CREB3L2: variants seen among roughly 807,000 people sequenced by gnomAD.
CREB3L2 encodes the protein cyclic AMP-responsive element-binding protein 3-like protein 2.
CREB3L2 carries 23 observed loss-of-function variants against 57.2 expected under a neutral mutation model. The observed-to-expected ratio is 0.40, with a 90% CI of 0.29 to 0.57. The LOEUF is 0.57. Ranked by LOEUF, CREB3L2 falls within the 20% of genes least tolerant of loss-of-function variation. CREB3L2 has a pLI of 0.42. For missense variants in CREB3L2, 628 were observed against 634.7 expected, an observed-to-expected ratio of 0.99 and a Z score of 0.11; for synonymous variants, 268 against 265.1, an observed-to-expected ratio of 1.01 and a Z score of -0.11.
chr7:137,908,640 CAGAA>C (rs1799943772), intron 4 of CREB3L2, among the ~76,000 whole-genome samples: 1 of 152,068 alleles, frequency 6.6e-6, no homozygotes. Flanking sequence ...CTTATACTGG[CAGAA>C]AGAAACACTG....
chr7:137,952,087 C>T (rs911943648), intron 1 of CREB3L2, among the ~76,000 whole-genome samples: 1 of 152,028 alleles, frequency 6.6e-6, no homozygotes, highest in African/African-American at 2.4e-5. Flanking sequence ...ATGTTATTTT[C>T]GTAATTTAAA....
Position 137,878,155 on chromosome 7 carries a change from A to G in CREB3L2, c.*2321T>C. On this transcript the variant is annotated 3_prime_UTR_variant, in exon 12 of 12. Coordinates refer to ENST00000330387, the MANE Select transcript of CREB3L2 (RefSeq NM_194071.4). Reference sequence around the variant, plus strand: ...AGAGTGACGTCAAGCAAGCGTAGTAAGGGAGAAAATAAAATCCTCAAAGCA... The same window carrying G: ...AGAGTGACGTCAAGCAAGCGTAGTAGGGGAGAAAATAAAATCCTCAAAGCA... The G allele has an allele frequency of 4.3e-6, 1 of 231,212 alleles. No homozygotes were observed. Among genetic ancestry groups the G allele is most frequent in the Non-Finnish European group, 8.6e-6 (1 of 116,846 alleles). 14.3% of individuals were successfully genotyped at this position (231,212 alleles called of 1,614,324 possible). A position where few individuals can be genotyped will look rare whatever the true frequency, so the allele number is the denominator to read the frequency against.
At chr7:137,964,633 T>C (rs1366889510) in intron 1 of CREB3L2, among the ~76,000 whole-genome samples, 1 of 152,240 alleles carries the variant, frequency 6.6e-6, no homozygotes, top group Non-Finnish European at 1.5e-5. Flanking sequence ...GTAATCAATA[T>C]TGAACAATCC....
intron 1 of CREB3L2, among the ~76,000 whole-genome samples, chr7:137,948,235 T>C (rs764150339): frequency 5.3e-5 from 8 of 152,244 alleles, no homozygotes; most frequent in Non-Finnish European, 1.0e-4. Flanking sequence ...TGGAGATGCA[T>C]AGATGCTGTC....
intron 1 of CREB3L2, among the ~76,000 whole-genome samples, chr7:137,997,694 C>T (rs759806403): frequency 9.9e-5 from 15 of 151,928 alleles, no homozygotes; most frequent in Non-Finnish European, 2.1e-4. Context: ...AGCAACTGCA[C>T]TCTAGTCTGG....
At chr7:137,941,794 A>C (rs904706926) in intron 1 of CREB3L2, among the ~76,000 whole-genome samples, 1 of 152,234 alleles carries the variant, frequency 6.6e-6, no homozygotes, top group East Asian at 1.9e-4. Flanking sequence ...CTTTGGCATA[A>C]TAAGAGCTTA....
At chr7:137,971,464 A>AC (rs1484957144) in intron 1 of CREB3L2, among the ~76,000 whole-genome samples, 33 of 151,578 alleles carry the variant, frequency 2.2e-4, no homozygotes, top group Admixed American at 1.5e-3. Context: ...AAAAAAAAAA[A>AC]ATTTTGGATG....
intron 1 of CREB3L2, among the ~76,000 whole-genome samples, chr7:137,986,379 T>G (rs1026946666): frequency 2.6e-5 from 4 of 152,200 alleles, no homozygotes; most frequent in African/African-American, 9.7e-5. Flanking sequence ...CCCAGCTCCA[T>G]GGGACTGGGA....
intron 1 of CREB3L2, among the ~76,000 whole-genome samples, chr7:137,933,347 C>T (rs912497281): frequency 1.3e-5 from 2 of 152,206 alleles, no homozygotes; most frequent in Admixed American, 6.5e-5. Context: ...CATTCTATCC[C>T]GAGGCAACGC....
intron 1 of CREB3L2, among the ~76,000 whole-genome samples, chr7:137,971,013 C>T (rs999946734): frequency 5.9e-5 from 9 of 152,164 alleles, no homozygotes; most frequent in Non-Finnish European, 8.8e-5. Context: ...GAATGGCATG[C>T]TTCCAACATC....
At chr7:137,882,354 G>A in intron 11 of CREB3L2, 58 bp downstream of exon 11, 7 of 1,341,930 alleles carry the variant, frequency 5.2e-6, no homozygotes, top group East Asian at 2.3e-5. Flanking sequence ...TCAGGTTGCT[G>A]ACTCATAACC....
intron 1 of CREB3L2, among the ~76,000 whole-genome samples, chr7:137,956,379 C>G (rs1801210824): frequency 6.6e-6 from 1 of 152,234 alleles, no homozygotes. Flanking sequence ...AACTACCACT[C>G]TTGCCAGAAG....
chr7:137,981,818 C>A (rs1335646862), intron 1 of CREB3L2, among the ~76,000 whole-genome samples: 1 of 152,166 alleles, frequency 6.6e-6, no homozygotes, highest in Non-Finnish European at 1.5e-5. Flanking sequence ...CATGTATTCT[C>A]CAAAAATAGA....
intron 11 of CREB3L2, among the ~76,000 whole-genome samples, chr7:137,882,083 C>G (rs1476778285): frequency 1.3e-5 from 2 of 152,192 alleles, no homozygotes; most frequent in African/African-American, 4.8e-5. Context: ...CTGTGGTTAC[C>G]TGGGCTGTGC....
intron 1 of CREB3L2, among the ~76,000 whole-genome samples, chr7:137,959,519 G>A (rs1362395638): frequency 6.6e-6 from 1 of 152,210 alleles, no homozygotes; most frequent in Non-Finnish European, 1.5e-5. Context: ...CCAAATTGCT[G>A]GTTCACAGAA....
At chr7:137,936,689 G>A (rs1239574053) in intron 1 of CREB3L2, among the ~76,000 whole-genome samples, 4 of 152,258 alleles carry the variant, frequency 2.6e-5, no homozygotes, top group South Asian at 4.1e-4. Context: ...TCAGGAGGCT[G>A]ACCCGCCCCT....
intron 1 of CREB3L2, among the ~76,000 whole-genome samples, chr7:137,946,978 A>C (rs1269701242): frequency 2.4e-5 from 3 of 127,442 alleles, no homozygotes; most frequent in Admixed American, 8.0e-5. Context: ...ATATAGTTAT[A>C]TATATATAGT....
intron 1 of CREB3L2, among the ~76,000 whole-genome samples, chr7:137,940,575 A>G (rs1800865746): frequency 6.6e-6 from 1 of 152,224 alleles, no homozygotes; most frequent in Non-Finnish European, 1.5e-5. Flanking sequence ...AGAAACGGTG[A>G]CCAGACATAA....
At position 137,885,499 on chromosome 7, in the gene CREB3L2, A is replaced by C. The variant is rs890689888; in HGVS notation, c.1047T>G (p.Thr349=). 1.9e-6 allele frequency: 3 copies of C among 1,612,470 alleles called. No individual in the cohort carries two copies. In the African/African-American group the frequency reaches 4.0e-5, roughly 22 times the overall value. Residue 349 remains threonine, a synonymous_variant, in exon 9 of 12, where the codon ACT becomes ACG. Transcript: ENST00000330387. ...KVEVLENTNR[T]LLQQLQKLQT... ...GAAGCTTCTGGAGTTGCTGAAGGAG[A>C]GTCCTGCCAATGATAACAACAGCCG...
Sources: allele counts gnomAD v4.1 joint callset (sites outside exome capture counted in the v4.1 genomes callset), GRCh38; gene constraint gnomAD v4.1.1; transcripts MANE v1.5; gene names NCBI Gene and HGNC (gene_info 2026-07-23, HGNC 2026-07-21).